MED13L: variants seen among roughly 807,000 people sequenced by gnomAD.
MED13L encodes mediator complex subunit 13L, also known as mediator of RNA polymerase II transcription subunit 13-like.
In MED13L, 7 loss-of-function variants were observed where a neutral mutation model predicts 220.9. The observed-to-expected ratio is 0.03, with a 90% CI of 0.02 to 0.06. The LOEUF (loss-of-function observed/expected upper bound fraction) is 0.06, where lower values mean the gene tolerates loss of function less well. Among genes scored for constraint, MED13L ranks in the 10% least tolerant of loss-of-function variants. The pLI, the probability that MED13L is intolerant of heterozygous loss-of-function variation, is 1.00. For synonymous variants in MED13L, 1,011 were observed against 1,015.2 expected (o/e 1.00, Z 0.08); for missense variants, 1,965 against 2,760.5 (o/e 0.71, Z 6.46).
In MED13L at chr12:115,961,153, G is replaced by A; in HGVS notation, c.*113C>T. The stretch of plus-strand genomic sequence containing the variant: ...TGAGAAGGAATCACAGTGCAGGACT[G>A]TGGAGAGTGGTCTGAAGAAAAGGAT... On this transcript the variant is annotated 3_prime_UTR_variant, in exon 31 of 31. Transcript: ENST00000281928. 3.7e-6 allele frequency: 5 copies of A among 1,369,116 alleles called. No homozygotes were observed. Among genetic ancestry groups the A allele is most frequent in the Non-Finnish European group, 5.2e-6 (5 of 965,506 alleles). The allele number at this position is 1,369,116 out of a possible 1,614,324, so 84.8% of individuals were successfully genotyped here.
chr12:115,996,115 G>C (rs1479065152), intron 16 of MED13L, among the ~76,000 whole-genome samples: 1 of 151,828 alleles, frequency 6.6e-6, no homozygotes, highest in Non-Finnish European at 1.5e-5. Context: ...TTCTGAGACA[G>C]AGTCTCACTC....
At chr12:115,986,219 C>A (rs769574970) in intron 19 of MED13L, 47 bp downstream of exon 19, 2 of 1,520,980 alleles carry the variant, frequency 1.3e-6, no homozygotes, top group Admixed American at 3.3e-5. Flanking sequence ...TATAAACAAT[C>A]AGAGGATCCA....
chr12:115,992,229 C>T (rs1159159107), intron 16 of MED13L, among the ~76,000 whole-genome samples: 1 of 152,146 alleles, frequency 6.6e-6, no homozygotes, highest in Admixed American at 6.5e-5. Flanking sequence ...CTCATCCTAA[C>T]CTCTTGAAGG....
intron 1 of MED13L, among the ~76,000 whole-genome samples, chr12:116,253,488 A>C (rs921097593): frequency 5.3e-5 from 8 of 152,024 alleles, no homozygotes; most frequent in African/African-American, 9.7e-5. Flanking sequence ...AACCAAACAG[A>C]GATGATAAGA....
chr12:116,197,433 T>A lies in MED13L; in HGVS notation c.310+40035A>T, dbSNP rs149376199. ...CACTACTTTATTTTCATCAGTAAGATGTTCTTCTGGGACACAAATGGGAGC... is the reference window on the plus strand; with the variant it reads ...CACTACTTTATTTTCATCAGTAAGAAGTTCTTCTGGGACACAAATGGGAGC... On this transcript the variant is annotated intron_variant, in intron 2 of 30. Transcript: ENST00000281928. Among the ~76,000 whole-genome samples the A allele has an allele frequency of 2.5e-3, 388 of 152,264 alleles. 2 individuals carry two copies. Among genetic ancestry groups the A allele is most frequent in the African/African-American group, 8.6e-3 (356 of 41,552 alleles).
chr12:116,213,846 A>G (rs1431130139), intron 2 of MED13L, among the ~76,000 whole-genome samples: 2 of 152,262 alleles, frequency 1.3e-5, no homozygotes, highest in Non-Finnish European at 2.9e-5. Flanking sequence ...ATATCCTTAT[A>G]GAAAATTATT....
rs574091083 is a variant in MED13L at position 115,991,074 on chromosome 12, C to G, written c.3880G>C (p.Val1294Leu). Residue 1294 changes from valine (V) to leucine (L), a missense_variant, in exon 17 of 31, where the codon GTG (valine) becomes CTG (leucine). By Grantham distance (32) the Val-to-Leu change is conservative (BLOSUM62 1). This residue lies in a region of MED13L where 165 missense variants were observed against 190.8 expected (regional missense o/e 0.86). Coordinates refer to ENST00000281928, the MANE Select transcript of MED13L (RefSeq NM_015335.5). This position sits in a 1 kb window ranked among gnomAD's most constrained non-coding sequence, Gnocchi z 7.7. Reference sequence around the variant, plus strand: ...GCACTTCTCACCAGAGCTTCGTCCACTTTTCCACCAGTGGGGTTATCCACA... The same window carrying G: ...GCACTTCTCACCAGAGCTTCGTCCAGTTTTCCACCAGTGGGGTTATCCACA... ...QYVDNPTGGK[V>L]DEALVRSATV... The G allele has an allele frequency of 1.3e-5, 21 of 1,614,236 alleles. No individual in the cohort carries two copies. In the South Asian group the frequency reaches 1.9e-4, roughly 14 times the overall value.
At chr12:116,016,714 C>A (rs769523421) in intron 7 of MED13L, among the ~76,000 whole-genome samples, 46 of 152,172 alleles carry the variant, frequency 3.0e-4, no homozygotes, top group Non-Finnish European at 5.1e-4. Context: ...GAACTAAAAT[C>A]TGAGTGGTAT....
chr12:116,038,480 G>C (rs1415744894), intron 4 of MED13L, among the ~76,000 whole-genome samples: 1 of 151,828 alleles, frequency 6.6e-6, no homozygotes, highest in African/African-American at 2.4e-5. Context: ...TTAAAATCAG[G>C]AATGTTTATG....
chr12:116,234,352 C>T lies in MED13L; in HGVS notation c.310+3116G>A, dbSNP rs541875250. ...CAGCGACTGTCCTGTCTCAGCCTCTCCAGTAGCTGGGATTACAGGCACCCA... is the reference window on the plus strand; with the variant it reads ...CAGCGACTGTCCTGTCTCAGCCTCTTCAGTAGCTGGGATTACAGGCACCCA... On this transcript the variant is annotated intron_variant, in intron 2 of 30. Transcript: ENST00000281928. Among the ~76,000 whole-genome samples the T allele has an allele frequency of 2.5e-3, 380 of 152,076 alleles. 2 individuals carry two copies. Among genetic ancestry groups the T allele is most frequent in the African/African-American group, 9.0e-3 (375 of 41,468 alleles).
chr12:116,163,099 A>T (rs1879004524), intron 2 of MED13L, among the ~76,000 whole-genome samples: 1 of 152,164 alleles, frequency 6.6e-6, no homozygotes, highest in Admixed American at 6.5e-5. Context: ...GACTTGGGAC[A>T]ATGGCAAGAC....
intron 4 of MED13L, among the ~76,000 whole-genome samples, chr12:116,093,114 AGAACCTGCATGATTGGAATAATTTCC>A (rs1386156137): frequency 2.0e-5 from 3 of 152,206 alleles, no homozygotes; most frequent in Non-Finnish European, 4.4e-5. Flanking sequence ...CCCAAGAGAG[AGAACCTGCATGATTGGAATAATTTCC>A]AAATGATTTT....
intron 12 of MED13L, 51 bp downstream of exon 12, chr12:116,006,255 G>A (rs1879040297): frequency 1.3e-6 from 2 of 1,493,802 alleles, no homozygotes; most frequent in Non-Finnish European, 1.9e-6. Flanking sequence ...CATCTCCTTT[G>A]CATTTCATTT....
At chr12:115,967,630 G>C (rs1248911873) in intron 28 of MED13L, among the ~76,000 whole-genome samples, 3 of 152,172 alleles carry the variant, frequency 2.0e-5, no homozygotes, top group Non-Finnish European at 4.4e-5. Flanking sequence ...CCATTTCACA[G>C]ATAAGGTAAC....
At chr12:115,996,406 T>A in intron 16 of MED13L, 70 bp downstream of exon 16, 1 of 1,549,854 alleles carries the variant, frequency 6.5e-7, no homozygotes, top group Non-Finnish European at 8.9e-7. Flanking sequence ...TCATCATTTT[T>A]AACAAACATT....
intron 2 of MED13L, among the ~76,000 whole-genome samples, chr12:116,210,766 C>T (rs1332218599): frequency 1.3e-5 from 2 of 151,588 alleles, no homozygotes; most frequent in East Asian, 1.9e-4. Flanking sequence ...CAAGCAGAAA[C>T]GTGCCAAAAT....
At chr12:116,195,654 T>C (rs1881576916) in intron 2 of MED13L, among the ~76,000 whole-genome samples, 1 of 152,098 alleles carries the variant, frequency 6.6e-6, no homozygotes, top group Admixed American at 6.5e-5. Context: ...TTTTGCCATG[T>C]TGGCCAGGCT....
chr12:115,998,450 T>A (rs187517777), intron 14 of MED13L, among the ~76,000 whole-genome samples: 28 of 152,358 alleles, frequency 1.8e-4, no homozygotes, highest in African/African-American at 5.8e-4. Flanking sequence ...CGTGCTGTGC[T>A]CACGGCTACC....
Position 116,140,072 on chromosome 12 carries a change from C to CT in MED13L, c.311-28561dup, listed in dbSNP as rs1021560840. ...CCTTTAAAACTATTTTAAGAGTATACTTTCTTTTTATAACTCACCTAGGAA... is the reference window on the plus strand; with the variant it reads ...CCTTTAAAACTATTTTAAGAGTATACTTTTCTTTTTATAACTCACCTAGGAA... On this transcript the variant is annotated intron_variant, in intron 2 of 30. Coordinates refer to ENST00000281928, the MANE Select transcript of MED13L (RefSeq NM_015335.5). 2.5e-4 allele frequency among the ~76,000 whole-genome samples: 38 copies of CT among 151,050 alleles called. 1 individual carries two copies. The highest frequency in any genetic ancestry group is 9.2e-4 in the African/African-American group (38 of 41,098).
Sources: gnomAD v4.1 joint callset for allele counts (sites outside exome capture counted in the v4.1 genomes callset) on GRCh38, gnomAD v4.1.1 for gene constraint, gnomAD v4.1.1 regional missense constraint, Gnocchi (gnomAD v3.1) non-coding constraint, MANE v1.5 for transcripts, NCBI Gene and HGNC (gene_info 2026-07-23, HGNC 2026-07-21) for gene names.